The following SLIT2 variants were observed in gnomAD, a reference collection of about 807,000 sequenced individuals.
SLIT2 encodes slit homolog 2 protein.
A neutral mutation model predicts 185.7 loss-of-function variants in SLIT2; 41 were observed. The observed-to-expected ratio is 0.22, with a 90% CI of 0.17 to 0.29. The LOEUF (loss-of-function observed/expected upper bound fraction) is 0.29. Ranked by LOEUF, SLIT2 falls within the 10% of genes least tolerant of loss-of-function variation. SLIT2 has a pLI of 1.00. For missense variants in SLIT2, 1,571 were observed against 1,909.0 expected, an observed-to-expected ratio of 0.82 and a Z score of 3.30; for synonymous variants, 693 against 680.2, an observed-to-expected ratio of 1.02 and a Z score of -0.29.
chr4:20,337,141 T>TA (rs1720573562), intron 4 of SLIT2, among the ~76,000 whole-genome samples: 1 of 152,188 alleles, frequency 6.6e-6, no homozygotes. Context: ...TAGTCTGTTT[T>TA]CACTCTGCTG....
At chr4:20,455,094 A>AT (rs1241738413) in intron 4 of SLIT2, among the ~76,000 whole-genome samples, 8 of 152,314 alleles carry the variant, frequency 5.3e-5, no homozygotes, top group Admixed American at 3.9e-4. Context: ...TGTTATTAGC[A>AT]TGGATACACA....
chr4:20,442,488 C>G (rs1015773207), intron 4 of SLIT2, among the ~76,000 whole-genome samples: 1 of 133,658 alleles, frequency 7.5e-6, no homozygotes, highest in Admixed American at 8.1e-5. Flanking sequence ...CGCGCCACTG[C>G]GCTCCAGCCT....
At chr4:20,258,399 C>T (rs890409206) in intron 3 of SLIT2, among the ~76,000 whole-genome samples, 4 of 151,518 alleles carry the variant, frequency 2.6e-5, no homozygotes, top group Non-Finnish European at 4.4e-5. Flanking sequence ...TAAAGATTTA[C>T]TTTTTTATAT....
rs113754963 is a variant in SLIT2 at position 20,527,626 on chromosome 4, A to T, written c.1463-1323A>T. ...TAAAGGAATCAAGAACTTAATTTGC[A>T]CTATGCATCTTTTATTACATTGGTT... On this transcript the variant is annotated intron_variant, in intron 15 of 36. Coordinates refer to ENST00000504154, the MANE Select transcript of SLIT2 (RefSeq NM_004787.4). 3.1e-3 allele frequency among the ~76,000 whole-genome samples: 472 copies of T among 152,284 alleles called. 1 individual carries two copies. The highest frequency in any genetic ancestry group is 0.011 in the African/African-American group (451 of 41,556).
intron 4 of SLIT2, among the ~76,000 whole-genome samples, chr4:20,320,690 C>T (rs1055422304): frequency 2.0e-5 from 3 of 152,060 alleles, no homozygotes; most frequent in Admixed American, 1.3e-4. Flanking sequence ...TTTCACTCTC[C>T]CCTCCTCCTT....
At chr4:20,343,552 A>T (rs73234469) in intron 4 of SLIT2, among the ~76,000 whole-genome samples, 11,356 of 151,776 alleles carry the variant, frequency 0.075, 557 homozygotes, top group Non-Finnish European at 0.11. Context: ...CCCAGGCTGG[A>T]GGGCACCGAC....
intron 1 of SLIT2, among the ~76,000 whole-genome samples, chr4:20,255,257 A>T (rs968262134): frequency 6.6e-6 from 1 of 152,168 alleles, no homozygotes; most frequent in South Asian, 2.1e-4. Context: ...AGCCCATTGC[A>T]CTTCAAGTCG....
intron 4 of SLIT2, among the ~76,000 whole-genome samples, chr4:20,326,298 T>A (rs76369491): frequency 0.038 from 5,744 of 152,122 alleles, 231 homozygotes; most frequent in African/African-American, 0.1. Flanking sequence ...TTATTGTTGT[T>A]GTTGTTTTTC....
intron 4 of SLIT2, among the ~76,000 whole-genome samples, chr4:20,273,911 ACAATAAATC>A (rs1286511961): frequency 6.6e-6 from 1 of 152,176 alleles, no homozygotes; most frequent in African/African-American, 2.4e-5. Context: ...GGCCCCTGCC[ACAATAAATC>A]CGACTGTGAT....
chr4:20,363,060 G>A (rs1050025448), intron 4 of SLIT2, among the ~76,000 whole-genome samples: 6 of 151,938 alleles, frequency 3.9e-5, no homozygotes, highest in Admixed American at 6.6e-5. Context: ...CAAAGCAACC[G>A]AATAACAGTA....
At position 20,549,040 on chromosome 4, in the gene SLIT2, C is replaced by T. The variant is rs746249423; in HGVS notation, c.2418-17C>T. On this transcript the variant is annotated splice_polypyrimidine_tract_variant and intron_variant, in intron 23 of 36. Coordinates refer to ENST00000504154, the MANE Select transcript of SLIT2 (RefSeq NM_004787.4). ...TGGATTTCTGAATAAAACAAATTGA[C>T]ATATGTATGCTTTCAGAATTCTTAG... 1.3e-6 allele frequency: 2 copies of T among 1,497,284 alleles called. No homozygotes were observed. Among genetic ancestry groups the T allele is most frequent in the Non-Finnish European group, 1.9e-6 (2 of 1,075,134 alleles). 92.7% of individuals were successfully genotyped at this position (1,497,284 alleles called of 1,614,324 possible).
intron 34 of SLIT2, among the ~76,000 whole-genome samples, chr4:20,614,118 C>T (rs1029844866): frequency 1.3e-5 from 2 of 152,082 alleles, no homozygotes; most frequent in Non-Finnish European, 2.9e-5. Context: ...TGTGATCCAC[C>T]CACCTCGGCC....
intron 19 of SLIT2, 152 bp from the exon 20 acceptor site, chr4:20,541,301 G>A: frequency 3.2e-6 from 2 of 631,100 alleles, no homozygotes; most frequent in Non-Finnish European, 5.5e-6. Flanking sequence ...CTCATATACT[G>A]CATGTGATTC....
chr4:20,365,433 G>C (rs1723040580), intron 4 of SLIT2, among the ~76,000 whole-genome samples: 1 of 152,134 alleles, frequency 6.6e-6, no homozygotes, highest in Non-Finnish European at 1.5e-5. Context: ...TCAGTTGAAG[G>C]CTGCCGCACC....
At chr4:20,272,104 A>G (rs1456384317) in intron 4 of SLIT2, among the ~76,000 whole-genome samples, 3 of 152,052 alleles carry the variant, frequency 2.0e-5, no homozygotes, top group Non-Finnish European at 4.4e-5. Context: ...GGAGTAGGAG[A>G]CTAGTTTAAA....
At chr4:20,319,800 A>G (rs1384488254) in intron 4 of SLIT2, among the ~76,000 whole-genome samples, 1 of 103,208 alleles carries the variant, frequency 9.7e-6, no homozygotes, top group African/African-American at 2.9e-5. Context: ...GGCCAGCACT[A>G]AAAAACAAAA....
intron 4 of SLIT2, among the ~76,000 whole-genome samples, chr4:20,390,614 T>C (rs1725334514): frequency 6.6e-6 from 1 of 152,096 alleles, no homozygotes; most frequent in Non-Finnish European, 1.5e-5. Context: ...TCCTTTTTTG[T>C]TGTATTCTTC....
chr4:20,515,753 A>G (rs751026052), intron 11 of SLIT2, among the ~76,000 whole-genome samples: 49 of 152,270 alleles, frequency 3.2e-4, no homozygotes, highest in Non-Finnish European at 6.8e-4. Context: ...CACCTTTTTC[A>G]TGATAGTCAT....
chr4:20,497,375 A>G (rs902433108), intron 9 of SLIT2, among the ~76,000 whole-genome samples: 1 of 152,120 alleles, frequency 6.6e-6, no homozygotes, highest in Admixed American at 6.5e-5. Context: ...CATGGTCCTA[A>G]CTTGATCAAG....
Sources: allele counts gnomAD v4.1 joint callset (sites outside exome capture counted in the v4.1 genomes callset), GRCh38; gene constraint gnomAD v4.1.1; transcripts MANE v1.5; gene names NCBI Gene and HGNC (gene_info 2026-07-23, HGNC 2026-07-21).